The following DOCK3 variants were observed in gnomAD, a reference collection of about 807,000 sequenced individuals.
The protein encoded by DOCK3 is dedicator of cytokinesis protein 3.
DOCK3 carries 60 observed loss-of-function variants against 265.6 expected under a neutral mutation model. That is an observed-to-expected ratio of 0.23 (90% CI 0.18 to 0.28). The LOEUF (loss-of-function observed/expected upper bound fraction) is 0.28. Ranked by LOEUF, DOCK3 falls within the 10% of genes least tolerant of loss-of-function variation. The probability of loss-of-function intolerance (pLI) is 1.00; values close to 1 mark genes in which losing one functional copy is unlikely to be tolerated. For missense variants in DOCK3, 1,981 were observed against 2,594.3 expected (o/e 0.76, Z 5.14); for synonymous variants, 881 against 938.0 (o/e 0.94, Z 1.11).
chr3:51,350,443 A>G (rs552291583), intron 40 of DOCK3, 51 bp downstream of exon 40: 1 of 1,568,102 alleles, frequency 6.4e-7, no homozygotes, highest in African/African-American at 1.4e-5. Flanking sequence ...CGCATAATTC[A>G]CTTAAAACCG....
In DOCK3 at chr3:51,260,270, A is replaced by G. The variant is rs1409069587; in HGVS notation, c.2299A>G (p.Ile767Val). The change falls in exon 23 of 53, where the codon ATC (isoleucine) becomes GTC (valine). Residue 767 changes from isoleucine to valine, a missense_variant. Physicochemically the swap from Ile to Val is conservative, Grantham distance 29. Transcript: ENST00000266037. Reference protein sequence around the residue: ...RSSIQELFQSIRFVLSLDSRN... With the variant: ...RSSIQELFQSVRFVLSLDSRN... ...CAGTATCCAAGAACTTTTCCAGTCCATCCGGTTTGTGCTCAGTCTGGACAG... is the reference window on the plus strand; with the variant it reads ...CAGTATCCAAGAACTTTTCCAGTCCGTCCGGTTTGTGCTCAGTCTGGACAG... The G allele has an allele frequency of 6.2e-6, 10 of 1,613,838 alleles. No homozygotes were observed. Among genetic ancestry groups the G allele is most frequent in the Admixed American group, 1.7e-5 (1 of 59,986 alleles).
Position 51,020,181 on chromosome 3 carries a change from G to T in DOCK3, c.316-44267G>T, listed in dbSNP as rs1301451839. The stretch of plus-strand genomic sequence containing the variant: ...TAGCCCTTCTGACTGGCCTAAGATG[G>T]TATCTCATTATGGTTTTGATTTGCA... On this transcript the variant is annotated intron_variant, in intron 5 of 52. Coordinates refer to ENST00000266037, the MANE Select transcript of DOCK3 (RefSeq NM_004947.5). 2.6e-5 allele frequency among the ~76,000 whole-genome samples: 4 copies of T among 151,750 alleles called. 1 individual carries two copies. Among genetic ancestry groups the T allele is most frequent in the Middle Eastern group, 6.4e-3 (2 of 314 alleles).
intron 1 of DOCK3, among the ~76,000 whole-genome samples, chr3:50,733,421 T>G (rs944852790): frequency 6.6e-6 from 1 of 152,242 alleles, no homozygotes; most frequent in Non-Finnish European, 1.5e-5. Flanking sequence ...GATGCATATG[T>G]ATTTACTACT....
chr3:50,915,703 G>C (rs1364032570), intron 4 of DOCK3, among the ~76,000 whole-genome samples: 1 of 152,030 alleles, frequency 6.6e-6, no homozygotes, highest in Admixed American at 6.5e-5. Context: ...TGGAATGCAG[G>C]GAGGTGCTTC....
At chr3:51,184,522 ATGGCCAAAAT>A (rs960765106) in intron 12 of DOCK3, among the ~76,000 whole-genome samples, 1 of 143,182 alleles carries the variant, frequency 7.0e-6, no homozygotes, top group Non-Finnish European at 1.5e-5. Flanking sequence ...AGAACTTCCA[ATGGCCAAAAT>A]TGGAACAATT....
chr3:50,805,513 T>G (rs2043358217), intron 2 of DOCK3, among the ~76,000 whole-genome samples: 1 of 152,178 alleles, frequency 6.6e-6, no homozygotes, highest in Non-Finnish European at 1.5e-5. Context: ...GTGGGGCTGT[T>G]TCTTAGGCCC....
At chr3:50,879,301 G>A (rs757002031) in intron 3 of DOCK3, among the ~76,000 whole-genome samples, 3 of 152,090 alleles carry the variant, frequency 2.0e-5, no homozygotes, top group Non-Finnish European at 4.4e-5. Context: ...ATGTAAATGG[G>A]CTAACTGCTC....
chr3:50,764,769 G>A (rs1173620489), intron 1 of DOCK3, among the ~76,000 whole-genome samples: 3 of 152,062 alleles, frequency 2.0e-5, no homozygotes, highest in Non-Finnish European at 4.4e-5. Context: ...GGAACATGAC[G>A]AGACCCCATC....
chr3:51,262,331 G>A (rs1485939996), intron 23 of DOCK3, among the ~76,000 whole-genome samples: 2 of 152,166 alleles, frequency 1.3e-5, no homozygotes, highest in Non-Finnish European at 2.9e-5. Context: ...GGGCCTGACT[G>A]TTAGAAGAAA....
chr3:51,007,064 A>T (rs1006691972), intron 5 of DOCK3, among the ~76,000 whole-genome samples: 1 of 152,228 alleles, frequency 6.6e-6, no homozygotes, highest in African/African-American at 2.4e-5. Context: ...TGCTATTGTG[A>T]ATAGTGCCAC....
At chr3:51,205,146 C>T (rs962027427) in intron 12 of DOCK3, among the ~76,000 whole-genome samples, 25 of 150,672 alleles carry the variant, frequency 1.7e-4, no homozygotes, top group African/African-American at 3.2e-4. Flanking sequence ...TGCACATGTA[C>T]GCTAAAACTT....
chr3:51,080,742 A>T (rs918318136), intron 7 of DOCK3, among the ~76,000 whole-genome samples: 3 of 152,360 alleles, frequency 2.0e-5, no homozygotes, highest in African/African-American at 7.2e-5. Flanking sequence ...CAAGATTAGT[A>T]GTCCTTTTAA....
intron 9 of DOCK3, among the ~76,000 whole-genome samples, chr3:51,131,409 A>T (rs1295520810): frequency 6.6e-6 from 1 of 152,062 alleles, no homozygotes; most frequent in African/African-American, 2.4e-5. Context: ...CTCCTTGGGG[A>T]AGGATGGGAG....
At chr3:51,356,814 A>C in intron 43 of DOCK3, 148 bp from the exon 44 acceptor site, 1 of 940,752 alleles carries the variant, frequency 1.1e-6, no homozygotes, top group Non-Finnish European at 1.6e-6. Context: ...TAAATCAGAC[A>C]ACAGAAGTGG....
chr3:50,869,805 T>G (rs1220719048), intron 3 of DOCK3, among the ~76,000 whole-genome samples: 1 of 152,208 alleles, frequency 6.6e-6, no homozygotes, highest in East Asian at 1.9e-4. Context: ...CCTGTAAACT[T>G]CCATCGAAGT....
At chr3:50,886,187 G>GAT (rs141280910) in intron 3 of DOCK3, among the ~76,000 whole-genome samples, 35,714 of 132,552 alleles carry the variant, frequency 0.27, 5,180 homozygotes, top group South Asian at 0.3. Context: ...TTATTTTGGA[G>GAT]ATATATATAT....
At chr3:50,896,626 C>A (rs935465635) in intron 4 of DOCK3, among the ~76,000 whole-genome samples, 1 of 151,690 alleles carries the variant, frequency 6.6e-6, no homozygotes, top group Non-Finnish European at 1.5e-5. Flanking sequence ...TTAGGTCTTA[C>A]GTTTAAGTCT....
rs139451841 is a variant in DOCK3, at chr3:50,707,028, T to C, written c.37+31728T>C. Reference sequence around the variant, plus strand: ...GATCTGGTTGTTTAAAAATGTGTAGTGTGCATCTCTTCCCTCTGTCTCTTC... The same window carrying C: ...GATCTGGTTGTTTAAAAATGTGTAGCGTGCATCTCTTCCCTCTGTCTCTTC... On this transcript the variant is annotated intron_variant, in intron 1 of 52. Coordinates refer to ENST00000266037, the MANE Select transcript of DOCK3 (RefSeq NM_004947.5). 2.7e-4 allele frequency among the ~76,000 whole-genome samples: 41 copies of C among 152,232 alleles called. 1 individual carries two copies. The highest frequency in any genetic ancestry group is 2.6e-4 in the Admixed American group (4 of 15,292).
intron 9 of DOCK3, among the ~76,000 whole-genome samples, chr3:51,118,486 G>A (rs1219387658): frequency 6.6e-6 from 1 of 152,176 alleles, no homozygotes; most frequent in Non-Finnish European, 1.5e-5. Flanking sequence ...GCTTGGTCCA[G>A]AGCTGAATTC....
Sources: gnomAD v4.1 joint callset for allele counts (sites outside exome capture counted in the v4.1 genomes callset) on GRCh38, gnomAD v4.1.1 for gene constraint, MANE v1.5 for transcripts, NCBI Gene and HGNC (gene_info 2026-07-23, HGNC 2026-07-21) for gene names.